CFH: variants seen among roughly 807,000 people sequenced by gnomAD.
CFH encodes H factor 1 (complement).
A neutral mutation model predicts 147.3 loss-of-function variants in CFH; 53 were observed. That is an observed-to-expected ratio of 0.36 (90% CI 0.29 to 0.45). The LOEUF (loss-of-function observed/expected upper bound fraction) is 0.45, where lower values mean the gene tolerates loss of function less well. Ranked by LOEUF, CFH falls within the 20% of genes least tolerant of loss-of-function variation. The pLI, the probability that CFH is intolerant of heterozygous loss-of-function variation, is 1.00. For missense variants in CFH, 1,380 were observed against 1,498.0 expected (o/e 0.92, Z 1.30); for synonymous variants, 536 against 489.4 (o/e 1.10, Z -1.26).
intron 11 of CFH, among the ~76,000 whole-genome samples, chr1:196,718,570 A>G (rs540403573): frequency 2.6e-5 from 4 of 152,048 alleles, no homozygotes; most frequent in Non-Finnish European, 5.9e-5. Flanking sequence ...GCTCTAATTG[A>G]GAGGGGGAGG....
At chr1:196,740,143 G>T (rs941736375) in intron 17 of CFH, among the ~76,000 whole-genome samples, 7 of 152,294 alleles carry the variant, frequency 4.6e-5, no homozygotes, top group East Asian at 3.9e-4. Flanking sequence ...TCCACAACAC[G>T]TGAGGATTAT....
At chr1:196,726,094 T>C in intron 12 of CFH, among the ~76,000 whole-genome samples, 1 of 152,222 alleles carries the variant, frequency 6.6e-6, no homozygotes, top group East Asian at 1.9e-4. Flanking sequence ...ATTCAGTTGC[T>C]TGTATTGATT....
Position 196,679,620 on chromosome 1 carries a change from T to C in CFH, c.620-3T>C. On this transcript the variant is annotated splice_polypyrimidine_tract_variant and splice_region_variant and intron_variant, in intron 5 of 21. Coordinates refer to ENST00000367429, the MANE Select transcript of CFH (RefSeq NM_000186.4). ...ATTTTGGAATTTAATCCCTTTTATT[T>C]AGAAATTTCATGCAAATCCCCAGAT... 3 of 1,594,940 alleles carry C rather than the reference T, an allele frequency of 1.9e-6. No homozygotes were observed. The South Asian group carries it at 3.3e-5, about 18-fold the overall frequency.
In CFH at chr1:196,747,420, T is replaced by G; in HGVS notation, c.*107T>G. On this transcript the variant is annotated 3_prime_UTR_variant, in exon 22 of 22. Coordinates refer to ENST00000367429, the MANE Select transcript of CFH (RefSeq NM_000186.4). Reference sequence around the variant, plus strand: ...CTCCTTTTTATTCATACGTAAAATTTTGGATTAATTTGTGAAAATGTAATT... The same window carrying G: ...CTCCTTTTTATTCATACGTAAAATTGTGGATTAATTTGTGAAAATGTAATT... 2 of 1,351,820 alleles carry G rather than the reference T, an allele frequency of 1.5e-6. No individual in the cohort carries two copies. The highest frequency in any genetic ancestry group is 3.6e-4 in the Middle Eastern group (2 of 5,562). The allele number at this position is 1,351,820 out of a possible 1,614,324, so 83.7% of individuals were successfully genotyped here. A position where few individuals can be genotyped will look rare whatever the true frequency, so the allele number is the denominator to read the frequency against.
At position 196,740,687 on chromosome 1, in the gene CFH, T is replaced by C. The variant is rs777049051; in HGVS notation, c.2851T>C (p.Tyr951His). 8.7e-6 allele frequency: 14 copies of C among 1,613,952 alleles called. No homozygotes were observed. The highest frequency in any genetic ancestry group is 2.2e-5 in the East Asian group (1 of 44,858). The stretch of plus-strand genomic sequence containing the variant: ...AGCTCACATGTCAGACAGTTATCAG[T>C]ATGGAGAAGAAGTTACGTACAAATG... ...VVAHMSDSYQ[Y>H]GEEVTYKCFE... Residue 951 changes from tyrosine to histidine, a missense_variant, in exon 18 of 22, where the codon TAT (tyrosine) becomes CAT (histidine). By Grantham distance (83) the Tyr-to-His change is moderately conservative. This residue lies in a region of CFH where 830 missense variants were observed against 821.4 expected (regional missense o/e 1.01). Coordinates refer to ENST00000367429, the MANE Select transcript of CFH (RefSeq NM_000186.4).
chr1:196,665,850 A>G (rs1463860125), intron 1 of CFH, among the ~76,000 whole-genome samples: 1 of 152,084 alleles, frequency 6.6e-6, no homozygotes, highest in Non-Finnish European at 1.5e-5. Flanking sequence ...CAGGTGATCC[A>G]CCCATCTCAG....
At chr1:196,652,493 A>G (rs1042965851) in intron 1 of CFH, among the ~76,000 whole-genome samples, 1 of 151,890 alleles carries the variant, frequency 6.6e-6, no homozygotes, top group Non-Finnish European at 1.5e-5. Context: ...TTTGCTTAGG[A>G]GTATAACCAA....
At chr1:196,746,611 A>G (rs1653013281) in intron 21 of CFH, among the ~76,000 whole-genome samples, 1 of 152,088 alleles carries the variant, frequency 6.6e-6, no homozygotes. Flanking sequence ...ATTCTTCATC[A>G]CCTATGCTTA....
At chr1:196,709,086 C>A (rs1668662991) in intron 9 of CFH, among the ~76,000 whole-genome samples, 1 of 152,140 alleles carries the variant, frequency 6.6e-6, no homozygotes, top group Non-Finnish European at 1.5e-5. Flanking sequence ...TCAATACCAC[C>A]TGTTGTACTT....
At chr1:196,704,503 C>T (rs1668540126) in intron 9 of CFH, among the ~76,000 whole-genome samples, 1 of 152,162 alleles carries the variant, frequency 6.6e-6, no homozygotes, top group Non-Finnish European at 1.5e-5. Flanking sequence ...GCTCTGCAGG[C>T]CATATTATTA....
Position 196,713,264 on chromosome 1 carries a change from A to C in CFH, c.1337-471A>C, listed in dbSNP as rs553051369. 8.3e-4 allele frequency among the ~76,000 whole-genome samples: 127 copies of C among 152,264 alleles called. 3 individuals carry two copies. The South Asian group carries it at 0.024, about 29-fold the overall frequency. On this transcript the variant is annotated intron_variant, in intron 9 of 21. Coordinates refer to ENST00000367429, the MANE Select transcript of CFH (RefSeq NM_000186.4). ...CATTTACTTTGAAGCACACAATAAG[A>C]ATGACATTTCAAATTCTTGGAGCCA...
chr1:196,701,288 G>T lies in CFH; in HGVS notation c.1336+11049G>T, dbSNP rs1328119059. On this transcript the variant is annotated intron_variant, in intron 9 of 21. Transcript: ENST00000367429. ...TGGAATCTCAGCAAGCCTAACTCAG[G>T]GTAATCATCTGCTCTTCAATCTTTC... 3 of 1,613,684 alleles carry T rather than the reference G, an allele frequency of 1.9e-6. No homozygotes were observed. The East Asian group carries it at 6.7e-5, about 36-fold the overall frequency.
Position 196,741,821 on chromosome 1 carries a change from A to C in CFH, c.2957-54A>C, listed in dbSNP as rs1652816421. 4 of 1,509,346 alleles carry C rather than the reference A, an allele frequency of 2.7e-6. No homozygotes were observed. In the South Asian group the frequency reaches 4.5e-5, roughly 17 times the overall value. 93.5% of individuals were successfully genotyped at this position (1,509,346 alleles called of 1,614,324 possible). A position where few individuals can be genotyped will look rare whatever the true frequency, so the allele number is the denominator to read the frequency against. Reference sequence around the variant, plus strand: ...TTTTAGAATCCATTACATGTATTGTATGTAACCTATTTTTAAAGATTTGCG... The same window carrying C: ...TTTTAGAATCCATTACATGTATTGTCTGTAACCTATTTTTAAAGATTTGCG... On this transcript the variant is annotated intron_variant, in intron 18 of 21. Coordinates refer to ENST00000367429, the MANE Select transcript of CFH (RefSeq NM_000186.4).
rs753838393 is a variant in CFH, at chr1:196,737,533, G to T, written c.2655G>T (p.Arg885Ser). The change falls in exon 17 of 22, where the codon AGG becomes AGT. Residue 885 changes from arginine to serine, a missense_variant. This residue lies in a region of CFH where 830 missense variants were observed against 821.4 expected (regional missense o/e 1.01). Transcript: ENST00000367429. ...QIEHGTINSS[R>S]SSQESYAHGT... ...AACACGGAACCATTAATTCATCCAG[G>T]TCTTCACAAGAAAGTTATGCACATG... 1.2e-6 allele frequency: 2 copies of T among 1,613,186 alleles called. No individual in the cohort carries two copies. The highest frequency in any genetic ancestry group is 2.2e-5 in the South Asian group (2 of 91,052).
intron 12 of CFH, among the ~76,000 whole-genome samples, chr1:196,726,263 C>T (rs1335726876): frequency 1.3e-5 from 2 of 152,056 alleles, no homozygotes; most frequent in Non-Finnish European, 2.9e-5. Flanking sequence ...GAAGTCTGAG[C>T]ATATTTTAAC....
At position 196,741,997 on chromosome 1, in the gene CFH, G is replaced by C. The variant is rs373385518; in HGVS notation, c.3079G>C (p.Ala1027Pro). 2.4e-5 allele frequency: 38 copies of C among 1,614,060 alleles called. No individual in the cohort carries two copies. In the African/African-American group the frequency reaches 5.1e-4, roughly 22 times the overall value. ...TCATYYKMDG[A>P]SNVTCINSRW... ...TGCAACATATTACAAAATGGATGGA[G>C]CCAGTAATGTAACATGCATTAATAG... Residue 1027 changes from alanine (A) to proline (P), a missense_variant, in exon 19 of 22, where the codon GCC becomes CCC. By Grantham distance (27) the Ala-to-Pro change is conservative. Coordinates refer to ENST00000367429, the MANE Select transcript of CFH (RefSeq NM_000186.4).
In CFH at chr1:196,741,978, A is replaced by C. The variant is rs750095574; in HGVS notation, c.3060A>C (p.Thr1020=). Residue 1020 remains threonine, a synonymous_variant, in exon 19 of 22, where the codon ACA becomes ACC. Coordinates refer to ENST00000367429, the MANE Select transcript of CFH (RefSeq NM_000186.4). The part of the protein sequence containing the change: ...AGEQVTYTCA[T]YYKMDGASNV... Reference sequence around the variant, plus strand: ...AGCAAGTGACTTACACTTGTGCAACATATTACAAAATGGATGGAGCCAGTA... The same window carrying C: ...AGCAAGTGACTTACACTTGTGCAACCTATTACAAAATGGATGGAGCCAGTA... 5.6e-6 allele frequency: 9 copies of C among 1,614,110 alleles called. No individual in the cohort carries two copies. Among genetic ancestry groups the C allele is most frequent in the Non-Finnish European group, 7.6e-6 (9 of 1,180,044 alleles).
intron 9 of CFH, 102 bp from the exon 10 acceptor site, chr1:196,713,633 G>C (rs748766950): frequency 9.9e-6 from 8 of 804,740 alleles, no homozygotes; most frequent in Non-Finnish European, 1.4e-5. Context: ...CAGGTTTTCA[G>C]TTACAAATGA....
At chr1:196,681,193 T>A (rs970495628) in intron 6 of CFH, among the ~76,000 whole-genome samples, 4 of 151,876 alleles carry the variant, frequency 2.6e-5, no homozygotes, top group Non-Finnish European at 5.9e-5. Context: ...AGGACCTTGC[T>A]GTGTATTGAA....
Sources: gnomAD v4.1 joint callset for allele counts (sites outside exome capture counted in the v4.1 genomes callset) on GRCh38, gnomAD v4.1.1 for gene constraint, gnomAD v4.1.1 regional missense constraint, MANE v1.5 for transcripts, NCBI Gene and HGNC (gene_info 2026-07-23, HGNC 2026-07-21) for gene names.